ADK: variants seen among roughly 807,000 people sequenced by gnomAD.
ADK encodes N6,N6-dimethyladenosine kinase.
Under a neutral mutation model 44.7 loss-of-function variants are expected in ADK, and 24 were observed. The ratio of observed to expected loss-of-function variants is 0.54; its 90% confidence interval spans 0.39 to 0.76. The LOEUF (loss-of-function observed/expected upper bound fraction) is 0.76. Ranked by LOEUF, ADK falls within the 30% of genes least tolerant of loss-of-function variation. ADK has a pLI of 0.00. For synonymous variants in ADK, 128 were observed against 142.6 expected, an observed-to-expected ratio of 0.90 and a Z score of 0.73; for missense variants, 321 against 425.1, an observed-to-expected ratio of 0.76 and a Z score of 2.15.
intron 4 of ADK, among the ~76,000 whole-genome samples, chr10:74,389,996 A>AGTTT (rs1843281639): frequency 6.6e-6 from 1 of 152,104 alleles, no homozygotes; most frequent in South Asian, 2.1e-4. Context: ...CACTGAACAA[A>AGTTT]GTTTGCTATT....
At chr10:74,507,509 A>C (rs1848128862) in intron 6 of ADK, among the ~76,000 whole-genome samples, 1 of 151,746 alleles carries the variant, frequency 6.6e-6, no homozygotes, top group Admixed American at 6.6e-5. Context: ...GCTTCTGTGG[A>C]GGCTGTGAGG....
At chr10:74,390,545 C>G (rs1250794367) in intron 4 of ADK, among the ~76,000 whole-genome samples, 2 of 152,140 alleles carry the variant, frequency 1.3e-5, no homozygotes, top group East Asian at 1.9e-4. Flanking sequence ...GTATTTTCCT[C>G]AGAACCATTC....
At chr10:74,286,298 A>C (rs1020559492) in intron 3 of ADK, among the ~76,000 whole-genome samples, 1 of 152,160 alleles carries the variant, frequency 6.6e-6, no homozygotes, top group African/African-American at 2.4e-5. Flanking sequence ...GCGATCCTTC[A>C]GTCCCTGCCT....
At chr10:74,453,866 GAAT>G (rs889721945) in intron 6 of ADK, among the ~76,000 whole-genome samples, 1 of 151,866 alleles carries the variant, frequency 6.6e-6, no homozygotes, top group Non-Finnish European at 1.5e-5. Context: ...ATAATTTGGA[GAAT>G]AATAAGAATT....
intron 1 of ADK, among the ~76,000 whole-genome samples, chr10:74,162,108 C>A (rs1841916555): frequency 6.6e-6 from 1 of 152,072 alleles, no homozygotes; most frequent in Admixed American, 6.5e-5. Flanking sequence ...GCAACCCCCG[C>A]CTTCTGGTTT....
chr10:74,365,058 T>G (rs926403768), intron 4 of ADK, among the ~76,000 whole-genome samples: 10 of 152,176 alleles, frequency 6.6e-5, no homozygotes, highest in African/African-American at 2.2e-4. Flanking sequence ...TTACAATGCT[T>G]CAGTAATTAA....
At chr10:74,264,343 T>G (rs1846143934) in intron 3 of ADK, among the ~76,000 whole-genome samples, 1 of 152,240 alleles carries the variant, frequency 6.6e-6, no homozygotes, top group African/African-American at 2.4e-5. Context: ...TTTGTAGGTG[T>G]GAACTGTATC....
intron 1 of ADK, among the ~76,000 whole-genome samples, chr10:74,174,178 C>G (rs1057227002): frequency 2.6e-5 from 4 of 151,000 alleles, no homozygotes; most frequent in African/African-American, 4.9e-5. Flanking sequence ...CATGGTGGTG[C>G]GTGCCTTTAG....
intron 3 of ADK, among the ~76,000 whole-genome samples, chr10:74,299,376 G>A (rs972176387): frequency 2.0e-5 from 3 of 150,386 alleles, no homozygotes; most frequent in Non-Finnish European, 4.4e-5. Context: ...GCATATGCCT[G>A]TAATTCCAGC....
intron 7 of ADK, among the ~76,000 whole-genome samples, chr10:74,550,946 T>C (rs567757361): frequency 6.6e-6 from 1 of 152,306 alleles, no homozygotes; most frequent in East Asian, 1.9e-4. Context: ...CAAGCAATCC[T>C]CCTGCTTCAG....
intron 3 of ADK, among the ~76,000 whole-genome samples, chr10:74,281,129 A>T (rs1276109404): frequency 6.6e-6 from 1 of 152,262 alleles, no homozygotes; most frequent in Non-Finnish European, 1.5e-5. Flanking sequence ...CATTTGAAGC[A>T]TGTAAAGGAA....
chr10:74,456,425 A>G (rs1432254051), intron 6 of ADK, among the ~76,000 whole-genome samples: 6 of 152,134 alleles, frequency 3.9e-5, no homozygotes, highest in Non-Finnish European at 5.9e-5. Context: ...CTGTAATCCC[A>G]GCACTTTGAG....
At chr10:74,156,631 A>C (rs981794139) in intron 1 of ADK, among the ~76,000 whole-genome samples, 1 of 152,212 alleles carries the variant, frequency 6.6e-6, no homozygotes, top group Non-Finnish European at 1.5e-5. Context: ...GGGGAAAAAA[A>C]GTATCAAAAT....
intron 3 of ADK, among the ~76,000 whole-genome samples, chr10:74,281,251 G>A (rs571175401): frequency 2.1e-4 from 32 of 152,352 alleles, no homozygotes; most frequent in African/African-American, 7.2e-4. Context: ...AGATACCCAT[G>A]TGCTTTATGG....
intron 9 of ADK, among the ~76,000 whole-genome samples, chr10:74,653,896 TA>T (rs921204279): frequency 3.9e-5 from 6 of 152,016 alleles, no homozygotes; most frequent in African/African-American, 7.2e-5. Flanking sequence ...TATGCACTGT[TA>T]AAAAAAATAT....
intron 3 of ADK, among the ~76,000 whole-genome samples, chr10:74,247,444 C>T (rs1845468170): frequency 1.3e-5 from 2 of 151,348 alleles, no homozygotes; most frequent in Admixed American, 1.3e-4. Context: ...TTTTTGTTGC[C>T]CAGGCTGGTC....
At chr10:74,388,285 T>C (rs1272806911) in intron 4 of ADK, among the ~76,000 whole-genome samples, 1 of 152,240 alleles carries the variant, frequency 6.6e-6, no homozygotes, top group East Asian at 1.9e-4. Context: ...TTTGAAGAAA[T>C]TGACGTTTAG....
At chr10:74,523,128 G>A (rs1382741136) in intron 6 of ADK, among the ~76,000 whole-genome samples, 1 of 152,092 alleles carries the variant, frequency 6.6e-6, no homozygotes, top group African/African-American at 2.4e-5. Context: ...TTTATCAAAA[G>A]AAACTAATAT....
At chr10:74,259,154 A>T (rs1591945812) in intron 3 of ADK, among the ~76,000 whole-genome samples, 1 of 151,918 alleles carries the variant, frequency 6.6e-6, no homozygotes. Flanking sequence ...CATGTTGGCC[A>T]GGCTGATTTC....
Sources: allele counts gnomAD v4.1 joint callset (sites outside exome capture counted in the v4.1 genomes callset), GRCh38; gene constraint gnomAD v4.1.1; transcripts MANE v1.5; gene names NCBI Gene and HGNC (gene_info 2026-07-23, HGNC 2026-07-21).